BRSK2: variants seen among roughly 807,000 people sequenced by gnomAD.
BRSK2 encodes BR serine/threonine kinase 2, also known as serine/threonine-protein kinase BRSK2.
BRSK2 carries 19 observed loss-of-function variants against 83.3 expected under a neutral mutation model. The observed-to-expected ratio is 0.23, with a 90% CI of 0.16 to 0.33. BRSK2 has a LOEUF of 0.33. Among genes scored for constraint, BRSK2 ranks in the 10% least tolerant of loss-of-function variants. BRSK2 has a pLI of 1.00. For synonymous variants in BRSK2, 519 were observed against 435.4 expected (o/e 1.19, Z -2.39); for missense variants, 798 against 1,042.3 (o/e 0.77, Z 3.23).
chr11:1,429,047 A>G (rs566503682), intron 1 of BRSK2, among the ~76,000 whole-genome samples: 1 of 132,502 alleles, frequency 7.5e-6, no homozygotes, highest in East Asian at 2.3e-4. Flanking sequence ...GGGTGCATGC[A>G]CATGTGTACA....
intron 18 of BRSK2, among the ~76,000 whole-genome samples, chr11:1,458,561 C>G (rs779794918): frequency 3.9e-5 from 6 of 152,220 alleles, no homozygotes; most frequent in Admixed American, 2.6e-4. Context: ...TGCCCACCCC[C>G]CCAGAGACTG....
At chr11:1,455,353 C>T (rs1371763665) in intron 16 of BRSK2, among the ~76,000 whole-genome samples, 1 of 142,722 alleles carries the variant, frequency 7.0e-6, no homozygotes, top group Non-Finnish European at 1.5e-5. Flanking sequence ...CCCAGGGCTG[C>T]TGTCCTGCCC....
chr11:1,461,463 G>T lies in BRSK2; in HGVS notation c.*740G>T. ...GCTGTGGGCTCTGGCGCTCCTCTCTGGCTGAGGTGGAAACAGAGACACCCT... is the reference window on the plus strand; with the variant it reads ...GCTGTGGGCTCTGGCGCTCCTCTCTTGCTGAGGTGGAAACAGAGACACCCT... On this transcript the variant is annotated 3_prime_UTR_variant, in exon 20 of 20. Coordinates refer to ENST00000528841, the MANE Select transcript of BRSK2 (RefSeq NM_001256627.2). 4.7e-6 allele frequency: 1 copy of T among 214,448 alleles called. No individual in the cohort carries two copies. The highest frequency in any genetic ancestry group is 9.2e-6 in the Non-Finnish European group (1 of 108,598). 13.3% of individuals were successfully genotyped at this position (214,448 alleles called of 1,614,324 possible). A position where few individuals can be genotyped will look rare whatever the true frequency, so the allele number is the denominator to read the frequency against.
chr11:1,421,438 C>T (rs1448429337), intron 1 of BRSK2, among the ~76,000 whole-genome samples: 1 of 152,056 alleles, frequency 6.6e-6, no homozygotes, highest in Non-Finnish European at 1.5e-5. Context: ...CTGCATCCCA[C>T]CTTTGTTTGG....
chr11:1,409,194 C>T (rs1356524257), intron 1 of BRSK2, among the ~76,000 whole-genome samples: 1 of 152,200 alleles, frequency 6.6e-6, no homozygotes, highest in Admixed American at 6.5e-5. Flanking sequence ...CCAGCCATCC[C>T]CTTCACCCCT....
intron 1 of BRSK2, among the ~76,000 whole-genome samples, chr11:1,391,119 C>T (rs1845699677): frequency 6.6e-6 from 1 of 152,226 alleles, no homozygotes. Context: ...CGGGGCCGAA[C>T]CCAGGCCAGA....
chr11:1,417,794 T>G (rs1364516489), intron 1 of BRSK2, among the ~76,000 whole-genome samples: 3 of 137,620 alleles, frequency 2.2e-5, no homozygotes, highest in Non-Finnish European at 4.8e-5. Flanking sequence ...TGGCTGTTTC[T>G]TCTCTTGAGA....
chr11:1,414,429 T>C (rs142937864), intron 1 of BRSK2, among the ~76,000 whole-genome samples: 14 of 152,286 alleles, frequency 9.2e-5, no homozygotes, highest in South Asian at 2.1e-4. Context: ...GATGAACTTA[T>C]GTGTGGAATG....
chr11:1,411,361 C>T, intron 1 of BRSK2: 1 of 1,449,922 alleles, frequency 6.9e-7, no homozygotes, highest in Non-Finnish European at 9.0e-7. Flanking sequence ...CCCCATCTGG[C>T]CCTAGTTTGG....
chr11:1,398,920 C>T (rs1358055893), intron 1 of BRSK2, among the ~76,000 whole-genome samples: 2 of 152,158 alleles, frequency 1.3e-5, no homozygotes, highest in Non-Finnish European at 2.9e-5. Flanking sequence ...GTGTCTGGGG[C>T]GGAGACTGGC....
At position 1,443,626 on chromosome 11, in the gene BRSK2, C is replaced by T; in HGVS notation, c.771C>T (p.Arg257=). 1.2e-6 allele frequency: 2 copies of T among 1,601,238 alleles called. No homozygotes were observed. Among genetic ancestry groups the T allele is most frequent in the Non-Finnish European group, 8.5e-7 (1 of 1,174,048 alleles). ...LRGMIEVDAA[R]RLTLEHIQKH... is the part of the protein sequence containing the mutation. ...GCATGATCGAGGTGGACGCCGCACG[C>T]CGCCTCACGGTGCGTGCCCTCGGAG... The change falls in exon 8 of 20, where the codon CGC becomes CGT. Residue 257 remains arginine, a synonymous_variant. Coordinates refer to ENST00000528841, the MANE Select transcript of BRSK2 (RefSeq NM_001256627.2).
At chr11:1,453,664 A>G (rs1174989484) in intron 15 of BRSK2, among the ~76,000 whole-genome samples, 1 of 152,212 alleles carries the variant, frequency 6.6e-6, no homozygotes, top group African/African-American at 2.4e-5. Flanking sequence ...AGGAATGGGC[A>G]AGGGAAAGGG....
At chr11:1,418,073 T>C (rs1848278480) in intron 1 of BRSK2, among the ~76,000 whole-genome samples, 1 of 148,128 alleles carries the variant, frequency 6.8e-6, no homozygotes, top group Non-Finnish European at 1.5e-5. Flanking sequence ...CTGTTGGCTG[T>C]TTCTTCTCTT....
chr11:1,445,539 C>G, intron 10 of BRSK2, 32 bp from the exon 11 acceptor site: 3 of 1,597,258 alleles, frequency 1.9e-6, no homozygotes, highest in Non-Finnish European at 2.6e-6. Flanking sequence ...GCCCCGTGTG[C>G]CAGCGCGTCT....
intron 16 of BRSK2, among the ~76,000 whole-genome samples, chr11:1,455,287 C>G (rs1469058094): frequency 6.6e-6 from 1 of 151,262 alleles, no homozygotes; most frequent in Non-Finnish European, 1.5e-5. Context: ...ACCCAGCGCC[C>G]AGGCATCACA....
intron 4 of BRSK2, 179 bp from the exon 5 acceptor site, chr11:1,442,311 C>G (rs373684531): frequency 9.1e-6 from 5 of 550,292 alleles, no homozygotes; most frequent in Non-Finnish European, 1.7e-5. Context: ...CAGAGCCAAA[C>G]GGACCAGGCA....
intron 1 of BRSK2, among the ~76,000 whole-genome samples, chr11:1,392,055 G>A (rs1845761962): frequency 6.6e-6 from 1 of 152,236 alleles, no homozygotes. Context: ...TCTCTCCCGA[G>A]TTATGACGGG....
chr11:1,413,507 CCT>C (rs1847781446), intron 1 of BRSK2, among the ~76,000 whole-genome samples: 1 of 152,202 alleles, frequency 6.6e-6, no homozygotes, highest in African/African-American at 2.4e-5. Flanking sequence ...CAGGCTGTGC[CCT>C]GACCTTCTGC....
intron 15 of BRSK2, among the ~76,000 whole-genome samples, chr11:1,452,668 A>G (rs1379307717): frequency 1.9e-4 from 28 of 150,114 alleles, no homozygotes; most frequent in Admixed American, 1.8e-3. Context: ...TGCCTCCTAC[A>G]GCTCCACCCA....
Sources: allele counts gnomAD v4.1 joint callset (sites outside exome capture counted in the v4.1 genomes callset), GRCh38; gene constraint gnomAD v4.1.1; transcripts MANE v1.5; gene names NCBI Gene and HGNC (gene_info 2026-07-23, HGNC 2026-07-21).